The following DDX31 variants were observed in gnomAD, a reference collection of about 807,000 sequenced individuals.
The protein encoded by DDX31 is DEAD-box helicase 31, also known as ATP-dependent DNA helicase DDX31.
DDX31 carries 70 observed loss-of-function variants against 91.3 expected under a neutral mutation model. The ratio of observed to expected loss-of-function variants is 0.77; its 90% CI spans 0.63 to 0.94. The LOEUF (loss-of-function observed/expected upper bound fraction) is 0.94. DDX31 is among the 40% of genes least tolerant of loss of function. DDX31 has a pLI of 0.00. For missense variants in DDX31, 902 were observed against 925.0 expected, an observed-to-expected ratio of 0.98 and a Z score of 0.32; for synonymous variants, 362 against 350.6, an observed-to-expected ratio of 1.03 and a Z score of -0.36.
intron 17 of DDX31, among the ~76,000 whole-genome samples, chr9:132,620,399 G>GAGGC (rs950661060): frequency 1.0e-4 from 15 of 149,126 alleles, no homozygotes; most frequent in African/African-American, 3.7e-4. Context: ...GTTTCAAAAT[G>GAGGC]AGGCATCTTT....
intron 14 of DDX31, among the ~76,000 whole-genome samples, chr9:132,633,948 G>C (rs12349897): frequency 0.17 from 26,370 of 152,122 alleles, 4,865 homozygotes; most frequent in African/African-American, 0.46. Context: ...TGGGAAAGAG[G>C]AACATGTTGA....
intron 6 of DDX31, among the ~76,000 whole-genome samples, chr9:132,653,424 G>A (rs1271336365): frequency 7.1e-6 from 1 of 141,080 alleles, no homozygotes; most frequent in Non-Finnish European, 1.5e-5. Flanking sequence ...AACCCAGGAG[G>A]TGGAGGTTGC....
intron 6 of DDX31, among the ~76,000 whole-genome samples, chr9:132,654,537 C>T (rs1678569256): frequency 1.3e-5 from 2 of 152,150 alleles, no homozygotes; most frequent in South Asian, 4.1e-4. Flanking sequence ...CTCTTGAACC[C>T]AGGAGGTGGA....
chr9:132,652,376 C>T, intron 7 of DDX31, 72 bp downstream of exon 7: 1 of 1,577,996 alleles, frequency 6.3e-7, no homozygotes, highest in Non-Finnish European at 8.7e-7. Context: ...CATGGTAAAA[C>T]CACTTTTAAA....
chr9:132,652,641 G>T, intron 6 of DDX31, 149 bp from the exon 7 acceptor site: 1 of 953,524 alleles, frequency 1.0e-6, no homozygotes, highest in Non-Finnish European at 1.6e-6. Context: ...GATGTGGTCT[G>T]GCTGTGCCCC....
chr9:132,614,443 A>G (rs1341852854), intron 18 of DDX31, among the ~76,000 whole-genome samples: 1 of 151,936 alleles, frequency 6.6e-6, no homozygotes, highest in African/African-American at 2.4e-5. Flanking sequence ...GCGACCCAGG[A>G]GATTCAAGCC....
chr9:132,638,836 A>C (rs1833294555), intron 14 of DDX31, among the ~76,000 whole-genome samples: 1 of 152,232 alleles, frequency 6.6e-6, no homozygotes, highest in Non-Finnish European at 1.5e-5. Flanking sequence ...CGTAATTGTG[A>C]ACTTCTGTGT....
intron 6 of DDX31, among the ~76,000 whole-genome samples, chr9:132,656,386 G>A (rs750199907): frequency 6.6e-6 from 1 of 152,144 alleles, no homozygotes; most frequent in African/African-American, 2.4e-5. Flanking sequence ...AAATATTGCA[G>A]CAAGTAAAAT....
intron 1 of DDX31, chr9:132,663,201 G>C: frequency 2.3e-6 from 3 of 1,289,404 alleles, no homozygotes; most frequent in Non-Finnish European, 3.0e-6. Context: ...CCCGTGCCCA[G>C]GAAGCGGAAA....
Position 132,649,544 on chromosome 9 carries a change from A to C in DDX31, c.740+690T>G, listed in dbSNP as rs193133509. Among the ~76,000 whole-genome samples, 3 of 152,344 alleles carry C rather than the reference A, an allele frequency of 2.0e-5. No individual in the cohort carries two copies. The East Asian group carries it at 5.8e-4, about 29-fold the overall frequency. Reference sequence around the variant, plus strand: ...TTGGACTGGCTCTGTCAGATTTCTTAAATGTGAAAGAAAAATAAAACTTGT... The same window carrying C: ...TTGGACTGGCTCTGTCAGATTTCTTCAATGTGAAAGAAAAATAAAACTTGT... On this transcript the variant is annotated intron_variant, in intron 9 of 19. Transcript: ENST00000372159.
At chr9:132,602,805 C>G (rs1330948865) in intron 19 of DDX31, among the ~76,000 whole-genome samples, 1 of 152,240 alleles carries the variant, frequency 6.6e-6, no homozygotes, top group African/African-American at 2.4e-5. Flanking sequence ...CTGACAGTTT[C>G]AAACCAAATT....
intron 19 of DDX31, among the ~76,000 whole-genome samples, chr9:132,604,367 T>C (rs1320008341): frequency 1.3e-5 from 2 of 152,192 alleles, no homozygotes; most frequent in African/African-American, 2.4e-5. Flanking sequence ...CGATCCAGCA[T>C]GGACCCCAGA....
Position 132,659,710 on chromosome 9 carries a change from C to A in DDX31, c.523G>T (p.Gly175Cys), listed in dbSNP as rs773101258. 1 of 1,608,624 alleles carries A rather than the reference C, an allele frequency of 6.2e-7. No individual in the cohort carries two copies. The highest frequency in any genetic ancestry group is 1.3e-5 in the African/African-American group (1 of 74,932). ...AGGGCAGAGATGAAATGAGACTAAC[C>A]TGAGCCCGTCTGGGATCTCACGAGA... ...DALVRSQTGS[G>C]KTLAYCIPVV... Residue 175 changes from glycine to cysteine, a missense_variant and splice_region_variant, in exon 5 of 20, where the codon GGT (glycine) becomes TGT (cysteine). Physicochemically the swap from Gly to Cys is radical, Grantham distance 159. Transcript: ENST00000372159.
intron 1 of DDX31, among the ~76,000 whole-genome samples, chr9:132,668,816 C>A (rs1835498285): frequency 6.6e-6 from 1 of 152,222 alleles, no homozygotes; most frequent in South Asian, 2.1e-4. Context: ...GATCCGCCTG[C>A]CTCGGCCTCC....
intron 19 of DDX31, among the ~76,000 whole-genome samples, chr9:132,597,862 A>G (rs918286011): frequency 6.6e-6 from 1 of 152,180 alleles, no homozygotes; most frequent in African/African-American, 2.4e-5. Flanking sequence ...TGGTGCGTAC[A>G]TTGCGCCACT....
chr9:132,594,645 C>T lies in DDX31; in HGVS notation c.*221G>A, dbSNP rs144575550. On this transcript the variant is annotated 3_prime_UTR_variant, in exon 20 of 20. Coordinates refer to ENST00000372159, the MANE Select transcript of DDX31 (RefSeq NM_022779.9). ...ATCAATACAAGACACAGACCCCTTC[C>T]GTCGGGAGCTGGCTAGTCTCTACAG... The T allele has an allele frequency of 1.4e-4, 91 of 643,174 alleles. No individual in the cohort carries two copies. The East Asian group carries it at 2.6e-3, about 18-fold the overall frequency. The allele number at this position is 643,174 out of a possible 1,614,324, so 39.8% of individuals were successfully genotyped here.
In DDX31 at chr9:132,662,537, C is replaced by T. The variant is rs1564341249; in HGVS notation, c.234G>A (p.Lys78=). 1.9e-6 allele frequency: 3 copies of T among 1,614,206 alleles called. No homozygotes were observed. The highest frequency in any genetic ancestry group is 1.1e-5 in the South Asian group (1 of 91,086). Residue 78 remains lysine (K), a synonymous_variant, in exon 2 of 20, where the codon AAG becomes AAA. Transcript: ENST00000372159. ...GNAQKMFSPK[K]HSVSTSDRNQ... is the part of the protein sequence containing the mutation. The stretch of plus-strand genomic sequence containing the variant: ...TTCTATCACTTGTGCTAACCGAATG[C>T]TTCTTTGGAGAAAACATTTTTTGTG...
chr9:132,668,304 G>A (rs2130874662), intron 1 of DDX31, among the ~76,000 whole-genome samples: 1 of 152,212 alleles, frequency 6.6e-6, no homozygotes, highest in East Asian at 1.9e-4. Context: ...CTCTAGCAAT[G>A]GGATTATATC....
intron 14 of DDX31, among the ~76,000 whole-genome samples, chr9:132,638,606 T>C (rs761564237): frequency 1.3e-5 from 2 of 152,230 alleles, no homozygotes; most frequent in Non-Finnish European, 2.9e-5. Context: ...CCCCCAGCTA[T>C]GCTCTGCCTA....
Sources: allele counts gnomAD v4.1 joint callset (sites outside exome capture counted in the v4.1 genomes callset), GRCh38; gene constraint gnomAD v4.1.1; transcripts MANE v1.5; gene names NCBI Gene and HGNC (gene_info 2026-07-23, HGNC 2026-07-21).